ITIH6: variants seen among roughly 807,000 people sequenced by gnomAD.
The protein encoded by ITIH6 is inter-alpha-trypsin inhibitor heavy chain H6.
ITIH6 carries 60 observed loss-of-function variants against 58.2 expected under a neutral mutation model. That is an observed-to-expected ratio of 1.03 (90% CI 0.84 to 1.28). The LOEUF (loss-of-function observed/expected upper bound fraction) is 1.28, where lower values mean the gene tolerates loss of function less well. Ranked by LOEUF, ITIH6 falls within the 50% of genes most tolerant of loss-of-function variation. The pLI is 0.00. For missense variants in ITIH6, 1,290 were observed against 1,021.1 expected, an observed-to-expected ratio of 1.26 and a Z score of -3.59; for synonymous variants, 493 against 417.4, an observed-to-expected ratio of 1.18 and a Z score of -2.21.
At position 54,757,130 on chromosome X, in the gene ITIH6, G is replaced by C. The variant is rs1402881923; in HGVS notation, c.2944C>G (p.Pro982Ala). The change falls in exon 8 of 13, where the codon CCA (proline) becomes GCA (alanine). Residue 982 changes from proline to alanine, a missense_variant. Coordinates refer to ENST00000218436, the MANE Select transcript of ITIH6 (RefSeq NM_198510.3). ...SSRPTPEGSP[P>A]NLPILLPSSI... ...GAAGGCAGCAAGATTGGCAGGTTTG[G>C]AGGGCTGCCTTCTGGTGTAGGCCTG... 3.5e-5 allele frequency: 42 copies of C among 1,209,904 alleles called. No homozygotes were observed. The highest frequency in any genetic ancestry group is 4.5e-5 in the Non-Finnish European group (40 of 895,208).
At chrX:54,767,011 T>A (rs1928804711) in intron 6 of ITIH6, among the ~76,000 whole-genome samples, 1 of 110,380 alleles carries the variant, frequency 9.1e-6, no homozygotes, top group Non-Finnish European at 1.9e-5. Flanking sequence ...TATGAATCCA[T>A]CTGGTCCTGG....
chrX:54,762,681 G>A (rs942111067), intron 6 of ITIH6, among the ~76,000 whole-genome samples: 2 of 111,677 alleles, frequency 1.8e-5, no homozygotes, highest in African/African-American at 6.5e-5. Flanking sequence ...GATATTCCCT[G>A]TCCCAGTCTG....
intron 6 of ITIH6, among the ~76,000 whole-genome samples, chrX:54,770,342 C>T (rs778677918): frequency 2.9e-4 from 33 of 112,764 alleles, no homozygotes; most frequent in South Asian, 1.1e-3. Flanking sequence ...CCGTCTTATG[C>T]GTCGCTCACG....
intron 5 of ITIH6, among the ~76,000 whole-genome samples, chrX:54,785,978 C>T (rs1236241878): frequency 1.8e-5 from 2 of 111,429 alleles, no homozygotes; most frequent in East Asian, 2.8e-4. Context: ...TCTCTTCTCC[C>T]GTCTAGGGCT....
intron 6 of ITIH6, among the ~76,000 whole-genome samples, chrX:54,760,547 G>A (rs1272038393): frequency 2.7e-5 from 3 of 111,131 alleles, no homozygotes; most frequent in African/African-American, 9.8e-5. Context: ...CCATTAACTC[G>A]TCATTTACAT....
chrX:54,796,885 A>G, intron 2 of ITIH6, 57 bp downstream of exon 2: 1 of 1,121,808 alleles, frequency 8.9e-7, no homozygotes, highest in Non-Finnish European at 1.2e-6. Context: ...AATAAGCACA[A>G]GAACGAACAA....
intron 11 of ITIH6, 71 bp from the exon 12 acceptor site, chrX:54,751,451 G>C (rs893636194): frequency 2.7e-6 from 3 of 1,123,826 alleles, no homozygotes; most frequent in Non-Finnish European, 3.6e-6. Flanking sequence ...CCCACAGCAT[G>C]GGCAGATGAA....
intron 6 of ITIH6, among the ~76,000 whole-genome samples, chrX:54,761,777 G>A (rs1476481246): frequency 1.8e-5 from 2 of 111,274 alleles, no homozygotes; most frequent in African/African-American, 3.3e-5. Flanking sequence ...TGAGGGCTCT[G>A]TTCTGTTCCA....
At chrX:54,755,646 T>C (rs1928469942) in intron 8 of ITIH6, among the ~76,000 whole-genome samples, 1 of 109,402 alleles carries the variant, frequency 9.1e-6, no homozygotes, top group Non-Finnish European at 1.9e-5. Context: ...GCAGGTCAGA[T>C]GATTATGAAG....
At chrX:54,767,032 G>T (rs958929219) in intron 6 of ITIH6, among the ~76,000 whole-genome samples, 1 of 110,480 alleles carries the variant, frequency 9.1e-6, no homozygotes, top group South Asian at 3.8e-4. Context: ...ACTCTTTTTG[G>T]TTGGTAAACT....
chrX:54,753,212 C>T (rs1056007089), intron 11 of ITIH6, among the ~76,000 whole-genome samples: 1 of 112,519 alleles, frequency 8.9e-6, no homozygotes, highest in African/African-American at 3.2e-5. Context: ...TAAATGGCAC[C>T]CAGTTTTCTT....
chrX:54,787,971 G>A (rs1929271559), intron 5 of ITIH6, among the ~76,000 whole-genome samples: 1 of 111,097 alleles, frequency 9.0e-6, no homozygotes, highest in Non-Finnish European at 1.9e-5. Flanking sequence ...TCGGTGCTCT[G>A]TGCTTTCCCA....
At chrX:54,766,870 C>G (rs1928801350) in intron 6 of ITIH6, among the ~76,000 whole-genome samples, 1 of 105,259 alleles carries the variant, frequency 9.5e-6, no homozygotes, top group Non-Finnish European at 1.9e-5. Flanking sequence ...TGTGTCTCTG[C>G]CTGGCTTTGG....
At chrX:54,776,637 C>T (rs1017142409) in intron 5 of ITIH6, among the ~76,000 whole-genome samples, 2 of 110,732 alleles carry the variant, frequency 1.8e-5, no homozygotes, top group African/African-American at 6.6e-5. Flanking sequence ...CAGTAAGAGT[C>T]GCGAGGCCCC....
At chrX:54,755,466 A>G (rs765288188) in intron 8 of ITIH6, among the ~76,000 whole-genome samples, 1 of 111,605 alleles carries the variant, frequency 9.0e-6, no homozygotes, top group Non-Finnish European at 1.9e-5. Flanking sequence ...ACAAATGGTG[A>G]TAAATGCTAT....
In ITIH6 at chrX:54,751,241, T is replaced by C; in HGVS notation, c.3492A>G (p.Ile1164Met). ...GCAAGGTACCCTCGCCTCGCAAAGA[T>C]ATAGAACTGCGGCTGATGGTGATAG... is the stretch of plus-strand genomic sequence containing the variant. ...AYTITISRSSISLRGEGTLRL... is the reference protein window; with the variant it reads ...AYTITISRSSMSLRGEGTLRL... Residue 1164 changes from isoleucine (I) to methionine (M), a missense_variant, in exon 12 of 13, where the codon ATA becomes ATG. Transcript: ENST00000218436. The C allele has an allele frequency of 8.3e-7, 1 of 1,211,654 alleles. No homozygotes were observed. Among genetic ancestry groups the C allele is most frequent in the Non-Finnish European group, 1.1e-6 (1 of 895,460 alleles).
Position 54,758,512 on chromosome X carries a change from G to T in ITIH6, c.1562C>A (p.Ala521Glu). The T allele has an allele frequency of 8.3e-7, 1 of 1,210,673 alleles. No homozygotes were observed. The highest frequency in any genetic ancestry group is 1.1e-6 in the Non-Finnish European group (1 of 894,923). The stretch of plus-strand genomic sequence containing the variant: ...AAGCTGATCCTTGGGGCCACGGGCT[G>T]CCAGGTGGATGCCCAGTTCCTGTTT... ...PGKQELGIHL[A>E]ARGPKDQLLV... The change falls in exon 8 of 13, where the codon GCA becomes GAA. Residue 521 changes from alanine to glutamate, a missense_variant. Ala to Glu is a moderately radical substitution (Grantham distance 107). Coordinates refer to ENST00000218436, the MANE Select transcript of ITIH6 (RefSeq NM_198510.3).
intron 8 of ITIH6, among the ~76,000 whole-genome samples, chrX:54,756,390 C>T (rs937475377): frequency 1.8e-5 from 2 of 111,458 alleles, no homozygotes; most frequent in Admixed American, 9.5e-5. Context: ...TGTAAAATGA[C>T]GATGTCAAGA....
At chrX:54,759,277 C>T (rs1011149993) in intron 7 of ITIH6, among the ~76,000 whole-genome samples, 2 of 110,588 alleles carry the variant, frequency 1.8e-5, no homozygotes, top group East Asian at 2.8e-4. Context: ...GTCTCATTCC[C>T]GAGCCAGACT....
Sources: allele counts gnomAD v4.1 joint callset (sites outside exome capture counted in the v4.1 genomes callset), GRCh38; gene constraint gnomAD v4.1.1; transcripts MANE v1.5; gene names NCBI Gene and HGNC (gene_info 2026-07-23, HGNC 2026-07-21).